The following YAP1 variants were observed in gnomAD, a reference collection of about 807,000 sequenced individuals.
YAP1 encodes the protein Yes1 associated transcriptional regulator.
In YAP1, 5 loss-of-function variants were observed where a neutral mutation model predicts 56.9. That is an observed-to-expected ratio of 0.09 (90% CI 0.05 to 0.18). The LOEUF is 0.18. Ranked by LOEUF, YAP1 falls within the 10% of genes least tolerant of loss-of-function variation. The pLI is 1.00. For synonymous variants in YAP1, 265 were observed against 248.1 expected, an observed-to-expected ratio of 1.07 and a Z score of -0.64; for missense variants, 539 against 651.8, an observed-to-expected ratio of 0.83 and a Z score of 1.88.
intron 2 of YAP1, among the ~76,000 whole-genome samples, chr11:102,143,191 A>G (rs1363863389): frequency 6.6e-6 from 1 of 152,170 alleles, no homozygotes; most frequent in East Asian, 1.9e-4. Context: ...TAAGAGAAAT[A>G]TAGACTATAT....
chr11:102,131,243 G>A (rs1314521477), intron 2 of YAP1, among the ~76,000 whole-genome samples: 48 of 152,144 alleles, frequency 3.2e-4, no homozygotes, highest in Non-Finnish European at 1.2e-4. Context: ...GGCCATTGTC[G>A]ATGTTGCTCT....
At chr11:102,179,338 G>T (rs1356076083) in intron 3 of YAP1, among the ~76,000 whole-genome samples, 2 of 152,072 alleles carry the variant, frequency 1.3e-5, no homozygotes, top group Non-Finnish European at 2.9e-5. Flanking sequence ...AAGTTATTTG[G>T]GGTGAAAATG....
At chr11:102,112,822 C>CA (rs1294350445) in intron 1 of YAP1, 4 of 953,888 alleles carry the variant, frequency 4.2e-6, no homozygotes, top group African/African-American at 3.5e-5. Context: ...ATGCACCCTA[C>CA]AGACTGCACG....
At chr11:102,157,863 C>T (rs1946044912) in intron 2 of YAP1, among the ~76,000 whole-genome samples, 1 of 152,114 alleles carries the variant, frequency 6.6e-6, no homozygotes, top group African/African-American at 2.4e-5. Context: ...TCTCTTTTCC[C>T]CTTACAACAC....
At chr11:102,229,653 A>G (rs1368900180) in intron 8 of YAP1, 49 bp from the exon 9 acceptor site, 1 of 1,555,552 alleles carries the variant, frequency 6.4e-7, no homozygotes, top group South Asian at 1.1e-5. Context: ...TACAGCCCTG[A>G]TGTTAGCTTT....
intron 3 of YAP1, among the ~76,000 whole-genome samples, chr11:102,179,510 C>G (rs1947459451): frequency 6.6e-6 from 1 of 152,036 alleles, no homozygotes; most frequent in Non-Finnish European, 1.5e-5. Flanking sequence ...CTTATTCTGC[C>G]CCATCCACAG....
At chr11:102,194,065 G>A (rs770395738) in intron 4 of YAP1, among the ~76,000 whole-genome samples, 11 of 152,202 alleles carry the variant, frequency 7.2e-5, no homozygotes, top group Admixed American at 2.6e-4. Flanking sequence ...TCGGCCTCCC[G>A]AAGTGCTGGG....
chr11:102,215,391 A>T (rs1949610918), intron 6 of YAP1, among the ~76,000 whole-genome samples: 1 of 152,222 alleles, frequency 6.6e-6, no homozygotes, highest in Non-Finnish European at 1.5e-5. Flanking sequence ...ACACACTTTT[A>T]TATAATGCAG....
chr11:102,224,148 C>T (rs1950082294), intron 7 of YAP1, among the ~76,000 whole-genome samples: 2 of 152,180 alleles, frequency 1.3e-5, no homozygotes, highest in Non-Finnish European at 2.9e-5. Context: ...CATAGCTATT[C>T]AAGCTAAAAC....
At position 102,227,489 on chromosome 11, in the gene YAP1, A is replaced by G; in HGVS notation, c.1184A>G (p.Asp395Gly). 6 of 1,612,688 alleles carry G rather than the reference A, an allele frequency of 3.7e-6. No homozygotes were observed. Among genetic ancestry groups the G allele is most frequent in the Non-Finnish European group, 4.2e-6 (5 of 1,178,964 alleles). Residue 395 changes from aspartate (D) to glycine (G), a missense_variant, in exon 8 of 9, where the codon GAT becomes GGT. By Grantham distance (94) the Asp-to-Gly change is moderately conservative. Around this residue, in one of 4 missense-constraint regions of YAP1, gnomAD observed 414 missense variants for 512.4 expected, o/e 0.81. Transcript: ENST00000282441. ...TGTAGTGGCACCTATCACTCTCGAG[A>G]TGAGAGTACAGACAGTGGACTAAGC... ...FLNSGTYHSR[D>G]ESTDSGLSMS...
intron 1 of YAP1, among the ~76,000 whole-genome samples, chr11:102,112,236 A>C (rs1175006003): frequency 1.3e-5 from 2 of 152,200 alleles, no homozygotes; most frequent in Non-Finnish European, 2.9e-5. Context: ...TAGGATCGCC[A>C]TTGCTTTTTA....
intron 1 of YAP1, chr11:102,112,344 T>A: frequency 1.1e-6 from 1 of 927,220 alleles, no homozygotes; most frequent in African/African-American, 1.8e-5. Context: ...CTGTTTATAA[T>A]GAGTGTTAAC....
chr11:102,223,502 TTAAAG>T (rs1950050427), intron 6 of YAP1, 115 bp from the exon 7 acceptor site: 2 of 1,081,180 alleles, frequency 1.8e-6, no homozygotes, highest in South Asian at 1.7e-5. Context: ...TGTATTAACT[TTAAAG>T]TAGATGTTTT....
At chr11:102,112,302 T>C (rs539959884) in intron 1 of YAP1, 1 of 724,882 alleles carries the variant, frequency 1.4e-6, no homozygotes, top group South Asian at 6.3e-5. Context: ...TGTTCGATTA[T>C]TGTGCCAACT....
chr11:102,134,299 A>T (rs1305410241), intron 2 of YAP1, among the ~76,000 whole-genome samples: 1 of 151,984 alleles, frequency 6.6e-6, no homozygotes, highest in Admixed American at 6.6e-5. Context: ...TATCATACTT[A>T]ATCTGTTAAC....
At chr11:102,134,183 G>T (rs1394917298) in intron 2 of YAP1, among the ~76,000 whole-genome samples, 1 of 152,132 alleles carries the variant, frequency 6.6e-6, no homozygotes, top group East Asian at 1.9e-4. Context: ...GTTTATGTTT[G>T]AAAAATCAGC....
intron 4 of YAP1, among the ~76,000 whole-genome samples, chr11:102,204,229 G>GA (rs781528022): frequency 0.053 from 6,106 of 115,898 alleles, 120 homozygotes; most frequent in Non-Finnish European, 0.066. Flanking sequence ...CAGAAAAGGG[G>GA]AAAAAAAAAA....
At chr11:102,193,839 T>G (rs564862289) in intron 4 of YAP1, among the ~76,000 whole-genome samples, 143 of 151,792 alleles carry the variant, frequency 9.4e-4, no homozygotes, top group Middle Eastern at 3.5e-3. Flanking sequence ...TTTGTTTGAT[T>G]TTTGTTTTTT....
chr11:102,219,123 A>T (rs950928654), intron 6 of YAP1, among the ~76,000 whole-genome samples: 3 of 152,196 alleles, frequency 2.0e-5, no homozygotes, highest in African/African-American at 7.2e-5. Context: ...AGCAAATGAG[A>T]GTCTTTAGAA....
Sources: allele counts gnomAD v4.1 joint callset (sites outside exome capture counted in the v4.1 genomes callset), GRCh38; gene constraint gnomAD v4.1.1; regional missense constraint gnomAD v4.1.1; transcripts MANE v1.5; gene names NCBI Gene and HGNC (gene_info 2026-07-23, HGNC 2026-07-21).